TRDN: variants seen among roughly 807,000 people sequenced by gnomAD.
The protein encoded by TRDN is triadin in skeletal muscle.
In TRDN, 161 loss-of-function variants were observed where a neutral mutation model predicts 149.7. The observed-to-expected ratio is 1.08, with a 90% CI of 0.95 to 1.23. The LOEUF (loss-of-function observed/expected upper bound fraction) is 1.23, where lower values mean the gene tolerates loss of function less well. Among genes scored for constraint, TRDN ranks in the 50% most tolerant of loss-of-function variants. TRDN has a pLI of 0.00. For missense variants in TRDN, 896 were observed against 823.5 expected (o/e 1.09, Z -1.08); for synonymous variants, 294 against 250.5 (o/e 1.17, Z -1.64).
At chr6:123,354,103 G>A (rs1780568564) in intron 20 of TRDN, among the ~76,000 whole-genome samples, 1 of 151,744 alleles carries the variant, frequency 6.6e-6, no homozygotes, top group East Asian at 1.9e-4. Flanking sequence ...TTTATTACCA[G>A]AAAAGAACTG....
intron 10 of TRDN, among the ~76,000 whole-genome samples, chr6:123,446,049 T>G (rs1775324089): frequency 6.6e-6 from 1 of 151,390 alleles, no homozygotes; most frequent in Non-Finnish European, 1.5e-5. Flanking sequence ...TGGAATACTA[T>G]GAAGCCATAA....
chr6:123,413,939 A>G (rs1234546512), intron 12 of TRDN, among the ~76,000 whole-genome samples: 1 of 152,060 alleles, frequency 6.6e-6, no homozygotes, highest in Non-Finnish European at 1.5e-5. Context: ...AGAGTTATCC[A>G]TTACTAAGTG....
chr6:123,439,950 C>G (rs1204500476), intron 10 of TRDN, among the ~76,000 whole-genome samples: 2 of 152,148 alleles, frequency 1.3e-5, no homozygotes, highest in Non-Finnish European at 2.9e-5. Flanking sequence ...ATTCCTTTCT[C>G]TTTGTCAGTT....
At chr6:123,474,111 C>A (rs1345971377) in intron 9 of TRDN, among the ~76,000 whole-genome samples, 1 of 151,922 alleles carries the variant, frequency 6.6e-6, no homozygotes, top group East Asian at 1.9e-4. Flanking sequence ...CTTTAAATGT[C>A]AATGGACTAA....
chr6:123,480,739 A>G (rs937443860), intron 9 of TRDN, among the ~76,000 whole-genome samples: 4 of 152,144 alleles, frequency 2.6e-5, no homozygotes, highest in African/African-American at 9.7e-5. Flanking sequence ...AAAATGTATT[A>G]AAATAATTTA....
At chr6:123,294,794 T>C (rs1778137309) in intron 24 of TRDN, among the ~76,000 whole-genome samples, 1 of 152,006 alleles carries the variant, frequency 6.6e-6, no homozygotes, top group Non-Finnish European at 1.5e-5. Context: ...TTTTACCAAG[T>C]AAAAACAGTG....
At chr6:123,452,946 C>T (rs550340386) in intron 10 of TRDN, among the ~76,000 whole-genome samples, 4 of 152,044 alleles carry the variant, frequency 2.6e-5, no homozygotes, top group East Asian at 1.9e-4. Flanking sequence ...TAAATAAACC[C>T]GAATACTTAC....
At chr6:123,580,161 G>C (rs900041594) in intron 1 of TRDN, among the ~76,000 whole-genome samples, 12 of 151,988 alleles carry the variant, frequency 7.9e-5, no homozygotes, top group African/African-American at 2.4e-4. Flanking sequence ...TGGTCAGTAG[G>C]GTACTTGTTA....
chr6:123,469,695 G>C (rs980153124), intron 9 of TRDN: 1 of 152,702 alleles, frequency 6.5e-6, no homozygotes, highest in African/African-American at 2.4e-5. Context: ...ACAGCAGTGT[G>C]AAAGAGGCCT....
chr6:123,605,277 T>C (rs1313690741), intron 1 of TRDN, among the ~76,000 whole-genome samples: 3 of 148,132 alleles, frequency 2.0e-5, no homozygotes, highest in Admixed American at 6.8e-5. Context: ...TATATATTTA[T>C]ATATAATACA....
At chr6:123,616,209 G>A (rs1053303305) in intron 1 of TRDN, among the ~76,000 whole-genome samples, 3 of 152,000 alleles carry the variant, frequency 2.0e-5, no homozygotes, top group Non-Finnish European at 2.9e-5. Flanking sequence ...GCTGGGTGTC[G>A]TGGCATGTGC....
At chr6:123,630,539 G>A (rs888928887) in intron 1 of TRDN, among the ~76,000 whole-genome samples, 1 of 151,868 alleles carries the variant, frequency 6.6e-6, no homozygotes, top group Admixed American at 6.6e-5. Flanking sequence ...ATTCATTTTT[G>A]CATTGTAAAA....
chr6:123,530,021 C>A (rs1315487290), intron 5 of TRDN, among the ~76,000 whole-genome samples: 2 of 151,916 alleles, frequency 1.3e-5, no homozygotes, highest in Non-Finnish European at 2.9e-5. Flanking sequence ...TGTCACTGTC[C>A]ATCTACCTCT....
Position 123,634,762 on chromosome 6 carries a change from C to CAA in TRDN, c.22+1990_22+1991dup, listed in dbSNP as rs11438958. On this transcript the variant is annotated intron_variant, in intron 1 of 40. Transcript: ENST00000334268. ...ATTATTAATAAATCATTCCAGAAAA[C>CAA]AAAAAAAAATGCATAATTGATGTTC... Among the ~76,000 whole-genome samples, 57 of 149,492 alleles carry CAA rather than the reference C, an allele frequency of 3.8e-4. No homozygotes were observed. The East Asian group carries it at 5.7e-3, about 15-fold the overall frequency.
rs117029026 is a variant in TRDN, at chr6:123,607,915, T to C, written c.22+28839A>G. On this transcript the variant is annotated intron_variant, in intron 1 of 40. Transcript: ENST00000334268. ...TGTTGCCCAGCCTGGTCTTGAACTC[T>C]TGGCCTCAGGCAATTCTTCCACCTC... Among the ~76,000 whole-genome samples the C allele has an allele frequency of 4.4e-3, 675 of 151,778 alleles. 6 individuals carry two copies. Among genetic ancestry groups the C allele is most frequent in the Middle Eastern group, 0.017 (5 of 294 alleles).
chr6:123,241,053 G>A lies in TRDN; in HGVS notation c.1975+11359C>T, dbSNP rs185718163. 1.3e-3 allele frequency among the ~76,000 whole-genome samples: 201 copies of A among 151,900 alleles called. 2 individuals are homozygous for A. Among genetic ancestry groups the A allele is most frequent in the Middle Eastern group, 7.2e-3 (2 of 278 alleles). ...AGAATTTCTGTGTTTAAGAAGATTA[G>A]TTGTTTTCTGCCACTGAATTATCAT... On this transcript the variant is annotated intron_variant, in intron 38 of 40. Transcript: ENST00000334268.
chr6:123,526,215 G>A (rs1294578154), intron 5 of TRDN, among the ~76,000 whole-genome samples: 1 of 152,012 alleles, frequency 6.6e-6, no homozygotes, highest in Non-Finnish European at 1.5e-5. Flanking sequence ...ATACAGGTAA[G>A]CTATTAGAAT....
At chr6:123,256,841 T>C (rs552064737) in intron 35 of TRDN, among the ~76,000 whole-genome samples, 1 of 152,260 alleles carries the variant, frequency 6.6e-6, no homozygotes, top group East Asian at 1.9e-4. Context: ...CATTTGTCAA[T>C]CTTGGCTTTT....
intron 12 of TRDN, among the ~76,000 whole-genome samples, chr6:123,422,223 G>A (rs947510445): frequency 4.6e-5 from 7 of 152,006 alleles, no homozygotes; most frequent in Non-Finnish European, 1.0e-4. Flanking sequence ...GGAACCAGTC[G>A]CTGGGACGTA....
Sources: gnomAD v4.1 joint callset for allele counts (sites outside exome capture counted in the v4.1 genomes callset) on GRCh38, gnomAD v4.1.1 for gene constraint, MANE v1.5 for transcripts, NCBI Gene and HGNC (gene_info 2026-07-23, HGNC 2026-07-21) for gene names.